The following NMT1 variants were observed in gnomAD, a reference collection of about 807,000 sequenced individuals.
The protein encoded by NMT1 is glycylpeptide N-tetradecanoyltransferase 1.
In NMT1, 12 loss-of-function variants were observed where a neutral mutation model predicts 63.4. That is an observed-to-expected ratio of 0.19 (90% CI 0.12 to 0.31). The LOEUF is 0.31. Among genes scored for constraint, NMT1 ranks in the 10% least tolerant of loss-of-function variants. The pLI is 1.00. For missense variants in NMT1, 432 were observed against 634.6 expected (o/e 0.68, Z 3.43); for synonymous variants, 228 against 234.3 (o/e 0.97, Z 0.25).
At chr17:45,084,346 T>TTC (rs1384298080) in intron 2 of NMT1, among the ~76,000 whole-genome samples, 1 of 150,968 alleles carries the variant, frequency 6.6e-6, no homozygotes, top group East Asian at 1.9e-4. Flanking sequence ...CTTTTTTTTT[T>TTC]TTTTGCGAGA....
At chr17:45,087,413 C>T (rs1223408418) in intron 3 of NMT1, among the ~76,000 whole-genome samples, 1 of 152,112 alleles carries the variant, frequency 6.6e-6, no homozygotes, top group African/African-American at 2.4e-5. Flanking sequence ...GGTTCAACAA[C>T]AGGAATACTA....
intron 3 of NMT1, among the ~76,000 whole-genome samples, chr17:45,089,687 G>A (rs376917887): frequency 6.6e-6 from 1 of 152,032 alleles, no homozygotes; most frequent in Admixed American, 6.6e-5. Context: ...TGCCCAGGCT[G>A]GAGTGCAGTG....
chr17:45,084,887 T>A (rs1335905704), intron 2 of NMT1, among the ~76,000 whole-genome samples: 1 of 152,140 alleles, frequency 6.6e-6, no homozygotes, highest in African/African-American at 2.4e-5. Context: ...AGTGCATACC[T>A]TTTGACCCAG....
intron 5 of NMT1, 53 bp downstream of exon 5, chr17:45,096,338 C>A: frequency 7.1e-7 from 1 of 1,414,388 alleles, no homozygotes; most frequent in Non-Finnish European, 1.0e-6. Flanking sequence ...TAGAGCAGAT[C>A]CACCAGAGGG....
At chr17:45,102,878 T>C (rs2143523167) in intron 8 of NMT1, 73 bp from the exon 9 acceptor site, 1 of 1,409,336 alleles carries the variant, frequency 7.1e-7, no homozygotes, top group Non-Finnish European at 9.7e-7. Flanking sequence ...CTTGAGGGCC[T>C]GATCTGTCCT....
In NMT1 at chr17:45,103,927, GA is replaced by G; in HGVS notation, c.1332+52del. 6.2e-7 allele frequency: 1 copy of G among 1,606,754 alleles called. No homozygotes were observed. Among genetic ancestry groups the G allele is most frequent in the South Asian group, 1.1e-5 (1 of 91,046 alleles). ...GGAGATGTGCAGGGAAGAGGCAGTG[GA>G]GCCATGGTGAGCACAGCTCCCGGGA... On this transcript the variant is annotated intron_variant, in intron 10 of 11. Coordinates refer to ENST00000258960, the MANE Select transcript of NMT1 (RefSeq NM_021079.5). The surrounding 1 kb of genome is among the most constrained non-coding windows in gnomAD (Gnocchi z 4.8).
At chr17:45,101,107 C>A (rs2054161240) in intron 8 of NMT1, among the ~76,000 whole-genome samples, 3 of 151,500 alleles carry the variant, frequency 2.0e-5, no homozygotes, top group South Asian at 4.2e-4. Context: ...TGGCGTGAAC[C>A]CGGGAGGCGG....
rs530198378 is a variant in NMT1, at chr17:45,074,137, G to T, written c.132-7507G>T. 9.9e-5 allele frequency among the ~76,000 whole-genome samples: 15 copies of T among 152,038 alleles called. No homozygotes were observed. The South Asian group carries it at 1.5e-3, about 15-fold the overall frequency. The stretch of plus-strand genomic sequence containing the variant: ...AGTTAGTTTTCCATCTCCTCCCCAA[G>T]GTCTGAATTTATACAGGAGCATCCT... On this transcript the variant is annotated intron_variant, in intron 1 of 11. Coordinates refer to ENST00000258960, the MANE Select transcript of NMT1 (RefSeq NM_021079.5).
intron 3 of NMT1, among the ~76,000 whole-genome samples, chr17:45,091,186 T>TCACA (rs1567868410): frequency 1.4e-5 from 1 of 71,812 alleles, no homozygotes; most frequent in South Asian, 4.9e-4. Flanking sequence ...AGGTCTTTCC[T>TCACA]GACACACACA....
rs143838999 is a variant in NMT1, at chr17:45,103,816, C to T, written c.1272C>T (p.Asn424=). 201 of 1,614,086 alleles carry T rather than the reference C, an allele frequency of 1.2e-4. No homozygotes were observed. The highest frequency in any genetic ancestry group is 1.8e-4 in the South Asian group (16 of 91,092). ...TCAAAGCTGCTTATTCTTTCTACAA[C>T]GTTCACACCCAGACCCCTCTTCTAG... ...KSLKAAYSFY[N]VHTQTPLLDL... is the part of the protein sequence containing the mutation. The change falls in exon 10 of 12, where the codon AAC becomes AAT. Residue 424 remains asparagine (N), a synonymous_variant. Transcript: ENST00000258960. This position sits in a 1 kb window ranked among gnomAD's most constrained non-coding sequence, Gnocchi z 4.8.
intron 1 of NMT1, among the ~76,000 whole-genome samples, chr17:45,063,958 G>A (rs181459038): frequency 6.6e-6 from 1 of 151,826 alleles, no homozygotes; most frequent in African/African-American, 2.4e-5. Context: ...AGGCCGAGGC[G>A]GGTGGATCAC....
intron 4 of NMT1, 46 bp from the exon 5 acceptor site, chr17:45,096,145 TCTA>T: frequency 7.0e-7 from 1 of 1,418,500 alleles, no homozygotes; most frequent in Non-Finnish European, 1.0e-6. Flanking sequence ...TTGGAGTTGG[TCTA>T]CTACCTGGCA....
At chr17:45,070,664 A>G (rs949902146) in intron 1 of NMT1, among the ~76,000 whole-genome samples, 2 of 151,842 alleles carry the variant, frequency 1.3e-5, no homozygotes, top group South Asian at 2.1e-4. Context: ...TGATCCGCCC[A>G]CCTCGGCCTC....
intron 3 of NMT1, among the ~76,000 whole-genome samples, chr17:45,090,137 A>G (rs981041596): frequency 1.3e-5 from 2 of 152,232 alleles, no homozygotes; most frequent in South Asian, 4.1e-4. Flanking sequence ...TTTAAAAATT[A>G]GCCAGACATG....
chr17:45,065,997 C>G (rs931360404), intron 1 of NMT1, among the ~76,000 whole-genome samples: 2 of 151,880 alleles, frequency 1.3e-5, no homozygotes, highest in African/African-American at 4.8e-5. Context: ...TAAGCATGAG[C>G]CACCACACCC....
At position 45,106,123 on chromosome 17, in the gene NMT1, C is replaced by G. The variant is rs537427196; in HGVS notation, c.*484C>G. Reference sequence around the variant, plus strand: ...GCGTTGGCACAGTTCATGGTTTCCTCCAGAGGAGACATTGGCTTATCATGG... The same window carrying G: ...GCGTTGGCACAGTTCATGGTTTCCTGCAGAGGAGACATTGGCTTATCATGG... On this transcript the variant is annotated 3_prime_UTR_variant, in exon 12 of 12. Coordinates refer to ENST00000258960, the MANE Select transcript of NMT1 (RefSeq NM_021079.5). 6.6e-6 allele frequency: 1 copy of G among 152,550 alleles called. No individual in the cohort carries two copies. Among genetic ancestry groups the G allele is most frequent in the African/African-American group, 2.4e-5 (1 of 41,502 alleles). The allele number at this position is 152,550 out of a possible 1,614,324, so 9.4% of individuals were successfully genotyped here.
At chr17:45,095,096 C>T (rs936958041) in intron 4 of NMT1, among the ~76,000 whole-genome samples, 3 of 137,428 alleles carry the variant, frequency 2.2e-5, no homozygotes, top group Admixed American at 1.5e-4. Flanking sequence ...CAGGCATGAG[C>T]CACTGCGCCC....
intron 1 of NMT1, among the ~76,000 whole-genome samples, chr17:45,078,522 G>C (rs780946868): frequency 2.0e-5 from 3 of 152,142 alleles, no homozygotes; most frequent in Non-Finnish European, 4.4e-5. Flanking sequence ...TCTGTGAGAT[G>C]ATAGTAATAT....
intron 5 of NMT1, 86 bp downstream of exon 5, chr17:45,096,371 A>G (rs2054915142): frequency 9.4e-7 from 1 of 1,065,312 alleles, no homozygotes; most frequent in South Asian, 1.3e-5. Context: ...CATCCCTGCC[A>G]GGGGCCAACC....
Sources: allele counts gnomAD v4.1 joint callset (sites outside exome capture counted in the v4.1 genomes callset), GRCh38; gene constraint gnomAD v4.1.1; non-coding constraint Gnocchi (gnomAD v3.1); transcripts MANE v1.5; gene names NCBI Gene and HGNC (gene_info 2026-07-23, HGNC 2026-07-21).